PCDH15: variants seen among roughly 807,000 people sequenced by gnomAD.
PCDH15 encodes protocadherin related 15.
PCDH15 carries 129 observed loss-of-function variants against 178.5 expected under a neutral mutation model. The ratio of observed to expected loss-of-function variants is 0.72; its 90% CI spans 0.63 to 0.84. The LOEUF is 0.84. Ranked by LOEUF, PCDH15 falls within the 40% of genes least tolerant of loss-of-function variation. PCDH15 has a pLI of 0.00. For missense variants in PCDH15, 2,230 were observed against 2,099.9 expected, an observed-to-expected ratio of 1.06 and a Z score of -1.21; for synonymous variants, 800 against 732.0, an observed-to-expected ratio of 1.09 and a Z score of -1.50.
chr10:55,547,013 A>G (rs1326437322), intron 2 of PCDH15, among the ~76,000 whole-genome samples: 1 of 152,130 alleles, frequency 6.6e-6, no homozygotes, highest in Non-Finnish European at 1.5e-5. Context: ...TGAAAAGAAA[A>G]AAAAAATCTC....
At chr10:54,432,503 C>T (rs1276230015) in intron 3 of PCDH15, among the ~76,000 whole-genome samples, 2 of 151,928 alleles carry the variant, frequency 1.3e-5, no homozygotes, top group Admixed American at 6.6e-5. Context: ...TAAAATATGG[C>T]GCTGGGAAAA....
intron 2 of PCDH15, among the ~76,000 whole-genome samples, chr10:54,911,043 G>C (rs566850890): frequency 1.5e-4 from 23 of 152,316 alleles, no homozygotes; most frequent in African/African-American, 5.3e-4. Context: ...AGAATGGAAT[G>C]AAAATAGTTT....
At chr10:55,102,931 G>T (rs938771645) in intron 2 of PCDH15, among the ~76,000 whole-genome samples, 5 of 151,978 alleles carry the variant, frequency 3.3e-5, no homozygotes, top group Non-Finnish European at 4.4e-5. Flanking sequence ...TCATTATAAA[G>T]GTCTTCATCT....
chr10:55,119,717 C>A (rs1837718921), intron 2 of PCDH15, among the ~76,000 whole-genome samples: 1 of 152,156 alleles, frequency 6.6e-6, no homozygotes, highest in South Asian at 2.1e-4. Context: ...TGGCCTGTAA[C>A]TATGTTCCTC....
rs184414257 is a variant in PCDH15, at chr10:54,892,739, T to C, written c.-29+4711A>G. 4.2e-4 allele frequency among the ~76,000 whole-genome samples: 63 copies of C among 149,894 alleles called. No homozygotes were observed. The East Asian group carries it at 0.01, about 24-fold the overall frequency. On this transcript the variant is annotated intron_variant, in intron 3 of 5. Transcript: ENST00000458638. ...AAATAATAATAATTTTTCTTTTTTT[T>C]TTTTTTTTAAGATGGAGTTTCACTC...
At chr10:55,132,661 A>C (rs559515706) in intron 2 of PCDH15, among the ~76,000 whole-genome samples, 2 of 152,244 alleles carry the variant, frequency 1.3e-5, no homozygotes, top group Non-Finnish European at 2.9e-5. Context: ...ATGGAAATAC[A>C]AATCCAAGTA....
intron 2 of PCDH15, among the ~76,000 whole-genome samples, chr10:55,477,090 C>T (rs1458433198): frequency 1.3e-5 from 2 of 151,918 alleles, no homozygotes; most frequent in Non-Finnish European, 2.9e-5. Flanking sequence ...ATATTACCCA[C>T]TGTTGGAATA....
chr10:55,586,502 A>G (rs1218834386), intron 2 of PCDH15, among the ~76,000 whole-genome samples: 1 of 152,070 alleles, frequency 6.6e-6, no homozygotes, highest in Non-Finnish European at 1.5e-5. Context: ...TATAAATTTG[A>G]GGTTGGTGAT....
chr10:54,621,473 G>A (rs1347749624), intron 2 of PCDH15, among the ~76,000 whole-genome samples: 1 of 151,908 alleles, frequency 6.6e-6, no homozygotes, highest in East Asian at 1.9e-4. Context: ...GAGTCCCGTT[G>A]TTCTGAATTG....
chr10:54,507,822 G>A (rs1255207691), intron 3 of PCDH15, among the ~76,000 whole-genome samples: 1 of 151,926 alleles, frequency 6.6e-6, no homozygotes. Flanking sequence ...TATTTCAAAA[G>A]CTGCTTCCTT....
chr10:55,062,431 T>G (rs942860006), intron 2 of PCDH15, among the ~76,000 whole-genome samples: 4 of 152,170 alleles, frequency 2.6e-5, no homozygotes, highest in Admixed American at 6.5e-5. Flanking sequence ...CAGAATAGAC[T>G]AAGACATGAG....
At chr10:55,167,416 G>A (rs1307819227) in intron 1 of PCDH15, among the ~76,000 whole-genome samples, 1 of 152,028 alleles carries the variant, frequency 6.6e-6, no homozygotes, top group African/African-American at 2.4e-5. Context: ...CAGCAATACA[G>A]CACTTTTGGA....
chr10:54,223,304 CAAAAAAAA>C (rs57667414), intron 9 of PCDH15, among the ~76,000 whole-genome samples: 2 of 30,684 alleles, frequency 6.5e-5, no homozygotes, highest in Non-Finnish European at 1.1e-4. Flanking sequence ...AACTACGTCT[CAAAAAAAA>C]AAAAAAAAAA....
intron 2 of PCDH15, among the ~76,000 whole-genome samples, chr10:55,424,882 T>C (rs1838713558): frequency 7.0e-6 from 1 of 142,462 alleles, no homozygotes; most frequent in African/African-American, 2.8e-5. Context: ...CAACAGTTGA[T>C]GTGGCAATTA....
At chr10:55,157,104 G>C (rs972491298) in intron 2 of PCDH15, among the ~76,000 whole-genome samples, 3 of 141,520 alleles carry the variant, frequency 2.1e-5, no homozygotes, top group African/African-American at 7.4e-5. Flanking sequence ...TAACACATAT[G>C]TGAAGGCAGT....
intron 2 of PCDH15, among the ~76,000 whole-genome samples, chr10:55,362,018 C>T (rs1446996377): frequency 6.6e-6 from 1 of 152,022 alleles, no homozygotes; most frequent in African/African-American, 2.4e-5. Flanking sequence ...TAAACAGCGG[C>T]ACAGTCATGT....
At chr10:53,891,732 T>C (rs2081565403) in intron 26 of PCDH15, among the ~76,000 whole-genome samples, 1 of 151,880 alleles carries the variant, frequency 6.6e-6, no homozygotes, top group South Asian at 2.1e-4. Flanking sequence ...GTAGGCAGAC[T>C]GCCTGAGGTC....
At chr10:54,362,311 G>A (rs114378069) in intron 5 of PCDH15, among the ~76,000 whole-genome samples, 3 of 151,964 alleles carry the variant, frequency 2.0e-5, no homozygotes, top group Admixed American at 1.3e-4. Context: ...AGTTCCTAAT[G>A]AGTATGCCTA....
At chr10:55,011,076 A>G (rs994743282) in intron 2 of PCDH15, among the ~76,000 whole-genome samples, 1 of 151,218 alleles carries the variant, frequency 6.6e-6, no homozygotes, top group African/African-American at 2.4e-5. Flanking sequence ...TCAAGAGAGT[A>G]AACACAAATA....
Sources: gnomAD v4.1 joint callset for allele counts (sites outside exome capture counted in the v4.1 genomes callset) on GRCh38, gnomAD v4.1.1 for gene constraint, MANE v1.5 for transcripts, NCBI Gene and HGNC (gene_info 2026-07-23, HGNC 2026-07-21) for gene names.